CHD8: variants seen among roughly 807,000 people sequenced by gnomAD.
CHD8 encodes chromodomain helicase DNA binding protein 8.
CHD8 carries 31 observed loss-of-function variants against 279.2 expected under a neutral mutation model. That is an observed-to-expected ratio of 0.11 (90% CI 0.08 to 0.15). The LOEUF is 0.15. Ranked by LOEUF, CHD8 falls within the 10% of genes least tolerant of loss-of-function variation. The probability of loss-of-function intolerance (pLI) is 1.00; values close to 1 mark genes in which losing one functional copy is unlikely to be tolerated. For synonymous variants in CHD8, 1,081 were observed against 1,139.6 expected, an observed-to-expected ratio of 0.95 and a Z score of 1.04; for missense variants, 2,146 against 3,230.5, an observed-to-expected ratio of 0.66 and a Z score of 8.14.
intron 37 of CHD8, 43 bp from the exon 38 acceptor site, chr14:21,386,219 A>G: frequency 1.3e-6 from 2 of 1,507,716 alleles, no homozygotes; most frequent in African/African-American, 1.4e-5. Context: ...AAGAAAGGGG[A>G]AAAAAGAAAA....
Position 21,403,128 on chromosome 14 carries a change from G to A in CHD8, c.3603C>T (p.Asp1201=). 3.7e-6 allele frequency: 6 copies of A among 1,614,070 alleles called. No homozygotes were observed. Among genetic ancestry groups the A allele is most frequent in the Non-Finnish European group, 5.1e-6 (6 of 1,179,908 alleles). Residue 1201 remains aspartate, a synonymous_variant, in exon 18 of 38, where the codon GAC becomes GAT. Coordinates refer to ENST00000646647, the MANE Select transcript of CHD8 (RefSeq NM_001170629.2). This position sits in a 1 kb window ranked among gnomAD's most constrained non-coding sequence, Gnocchi z 4.3. The stretch of plus-strand genomic sequence containing the variant: ...GGGTACACAGTAAGAAGACAAAGCG[G>A]TCTGAGTCAGGCTTGCTGAAGCGGT... ...AIDRFSKPDS[D]RFVFLLCTRA...
intron 1 of CHD8, among the ~76,000 whole-genome samples, chr14:21,450,383 CAA>C (rs1594396702): frequency 6.6e-6 from 1 of 151,970 alleles, no homozygotes; most frequent in Non-Finnish European, 1.5e-5. Flanking sequence ...AAATAATCCC[CAA>C]AGATATAGTG....
At chr14:21,404,213 T>C (rs1349997759) in intron 16 of CHD8, among the ~76,000 whole-genome samples, 1 of 151,284 alleles carries the variant, frequency 6.6e-6, no homozygotes, top group Non-Finnish European at 1.5e-5. Flanking sequence ...GCCTGCCCCA[T>C]GTGGCGAAAC....
intron 7 of CHD8, 26 bp from the exon 8 acceptor site, chr14:21,415,019 A>G: frequency 6.8e-7 from 1 of 1,463,602 alleles, no homozygotes; most frequent in Non-Finnish European, 9.4e-7. Context: ...TAAATTAGTC[A>G]CTAGTCCCTT....
chr14:21,415,434 T>C (rs1304966978), intron 7 of CHD8, 140 bp downstream of exon 7: 1 of 411,838 alleles, frequency 2.4e-6, no homozygotes, highest in Non-Finnish European at 4.0e-6. Context: ...CAGAAGTTCA[T>C]AGTGTGCTAC....
chr14:21,451,442 G>A (rs970183826), intron 1 of CHD8, among the ~76,000 whole-genome samples: 9 of 151,418 alleles, frequency 5.9e-5, no homozygotes, highest in African/African-American at 1.9e-4. Context: ...ATGGTGGCAC[G>A]CGCCTATAGT....
At chr14:21,446,925 A>T (rs1217407838) in intron 1 of CHD8, among the ~76,000 whole-genome samples, 1 of 152,216 alleles carries the variant, frequency 6.6e-6, no homozygotes, top group Admixed American at 6.5e-5. Context: ...CAAGTTCCAC[A>T]AGGGTAAAGG....
At chr14:21,454,298 C>G (rs1388724646) in intron 1 of CHD8, among the ~76,000 whole-genome samples, 1 of 152,100 alleles carries the variant, frequency 6.6e-6, no homozygotes, top group Non-Finnish European at 1.5e-5. Context: ...TACTCATACA[C>G]TGTTCCATTA....
At chr14:21,387,383 G>A (rs558832710) in intron 37 of CHD8, among the ~76,000 whole-genome samples, 79 of 152,292 alleles carry the variant, frequency 5.2e-4, no homozygotes, top group African/African-American at 1.8e-3. Context: ...TGTAATCCCA[G>A]CACTTTGGGA....
intron 1 of CHD8, among the ~76,000 whole-genome samples, chr14:21,441,685 G>A (rs958292578): frequency 1.2e-3 from 188 of 151,982 alleles, no homozygotes; most frequent in Non-Finnish European, 2.3e-3. Context: ...TCAGGAGATG[G>A]AGACCATCCT....
chr14:21,417,865 A>AAT (rs61023144), intron 5 of CHD8, among the ~76,000 whole-genome samples: 1,247 of 98,290 alleles, frequency 0.013, 27 homozygotes, highest in African/African-American at 0.042. Flanking sequence ...AAAAAAAAAA[A>AAT]ATATATATAT....
In CHD8 at chr14:21,385,231, G is replaced by C; in HGVS notation, c.*382C>G. On this transcript the variant is annotated 3_prime_UTR_variant, in exon 38 of 38. Transcript: ENST00000646647. ...AACTTAAATTTATTAATGCCAAGGGGAAAGAAGGTAACAGTTCCTGACCCT... is the reference window on the plus strand; with the variant it reads ...AACTTAAATTTATTAATGCCAAGGGCAAAGAAGGTAACAGTTCCTGACCCT... The C allele has an allele frequency of 4.8e-6, 1 of 209,200 alleles. No homozygotes were observed. Among genetic ancestry groups the C allele is most frequent in the Non-Finnish European group, 9.6e-6 (1 of 104,004 alleles). 13.0% of individuals were successfully genotyped at this position (209,200 alleles called of 1,614,324 possible).
rs1888020546 is a variant in CHD8 at position 21,401,212 on chromosome 14, ACAGAAAGCAAAATTATT to A, written c.4174-158_4174-142del. ...TTTTAAATGACATGTAAAATAATCTACAGAAAGCAAAATTATTCAGAAAGCAACTACTTTTCTGGGGC... is the reference window on the plus strand; with the variant it reads ...TTTTAAATGACATGTAAAATAATCTACAGAAAGCAACTACTTTTCTGGGGC... On this transcript the variant is annotated intron_variant, in intron 21 of 37. Transcript: ENST00000646647. 4 of 890,836 alleles carry A rather than the reference ACAGAAAGCAAAATTATT, an allele frequency of 4.5e-6. No individual in the cohort carries two copies. The South Asian group carries it at 7.4e-5, about 16-fold the overall frequency. 55.2% of individuals were successfully genotyped at this position (890,836 alleles called of 1,614,324 possible).
chr14:21,418,363 C>T (rs1888839713), intron 5 of CHD8, among the ~76,000 whole-genome samples: 3 of 150,392 alleles, frequency 2.0e-5, no homozygotes, highest in African/African-American at 7.4e-5. Context: ...ACTAAAAATA[C>T]AAAAAAATGA....
chr14:21,437,062 G>T, intron 1 of CHD8: 1 of 757,440 alleles, frequency 1.3e-6, no homozygotes, highest in Non-Finnish European at 2.0e-6. Flanking sequence ...GGGAAGATGC[G>T]GGGGGTGGGG....
intron 37 of CHD8, 125 bp from the exon 38 acceptor site, chr14:21,386,301 G>C: frequency 1.2e-6 from 1 of 861,304 alleles, no homozygotes; most frequent in South Asian, 1.8e-5. Flanking sequence ...GGCAAAACAA[G>C]CACAGCGATA....
rs1889453510 is a variant in CHD8, at chr14:21,429,114, T to C, written c.1065A>G (p.Pro355=). 6.2e-7 allele frequency: 1 copy of C among 1,613,910 alleles called. No individual in the cohort carries two copies. Among genetic ancestry groups the C allele is most frequent in the East Asian group, 2.2e-5 (1 of 44,878 alleles). ...GCTGTGGCTGCGATGATGGTGGTTG[T>C]GGTACAATCTGGATTTTTTGCTGTG... is the stretch of plus-strand genomic sequence containing the variant. ...QQPQQKIQIV[P]QPPSSQPQPQ... is the part of the protein sequence containing the mutation. The change falls in exon 3 of 38, where the codon CCA becomes CCG. Residue 355 remains proline (P), a synonymous_variant. Coordinates refer to ENST00000646647, the MANE Select transcript of CHD8 (RefSeq NM_001170629.2).
At chr14:21,396,566 T>TTTTATTTATTTATTTATTTATTTA (rs527253568) in intron 27 of CHD8, 17 of 151,528 alleles carry the variant, frequency 1.1e-4, no homozygotes, top group African/African-American at 3.9e-4. Flanking sequence ...TGGCCTAGTC[T>TTTTATTTATTTATTTATTTATTTA]TTTATTTATT....
intron 1 of CHD8, among the ~76,000 whole-genome samples, chr14:21,454,022 G>A (rs569155671): frequency 5.3e-5 from 8 of 151,856 alleles, no homozygotes; most frequent in African/African-American, 1.5e-4. Flanking sequence ...GCCAAGCATG[G>A]TGGCGGGCGC....
Sources: gnomAD v4.1 joint callset for allele counts (sites outside exome capture counted in the v4.1 genomes callset) on GRCh38, gnomAD v4.1.1 for gene constraint, Gnocchi (gnomAD v3.1) non-coding constraint, MANE v1.5 for transcripts, NCBI Gene and HGNC (gene_info 2026-07-23, HGNC 2026-07-21) for gene names.